UNC93A: variants seen among roughly 807,000 people sequenced by gnomAD.
UNC93A encodes unc-93 homolog A.
Under a neutral mutation model 47.5 loss-of-function variants are expected in UNC93A, and 43 were observed. The ratio of observed to expected loss-of-function variants is 0.91; its 90% CI spans 0.71 to 1.17. UNC93A has a LOEUF of 1.17. UNC93A is among the 50% of genes most tolerant of loss of function. The pLI is 0.00. For missense variants in UNC93A, 605 were observed against 577.6 expected (o/e 1.05, Z -0.49); for synonymous variants, 280 against 258.0 (o/e 1.09, Z -0.82).
At chr6:167,305,796 G>A (rs1778368636) in intron 5 of UNC93A, 119 bp from the exon 6 acceptor site, 3 of 1,422,600 alleles carry the variant, frequency 2.1e-6, no homozygotes, top group Admixed American at 1.7e-5. Flanking sequence ...GGAAGGTGTA[G>A]GCAACACTGG....
intron 7 of UNC93A, among the ~76,000 whole-genome samples, chr6:167,309,715 C>G (rs1778506045): frequency 2.0e-5 from 3 of 152,252 alleles, no homozygotes; most frequent in South Asian, 2.1e-4. Flanking sequence ...AACACTCCAG[C>G]CACGTCCTTT....
At chr6:167,310,972 G>A (rs1778540159) in intron 7 of UNC93A, among the ~76,000 whole-genome samples, 1 of 152,290 alleles carries the variant, frequency 6.6e-6, no homozygotes. Context: ...TGGCATTTTA[G>A]TGCCGCGTTC....
Position 167,297,969 on chromosome 6 carries a change from C to T in UNC93A, c.524C>T (p.Thr175Met), listed in dbSNP as rs758904063. ...GAGACCCTTCCAGAAGAGCAGCTCACGTCCTGTGGGGCCAGTGACTGCCTG... is the reference window on the plus strand; with the variant it reads ...GAGACCCTTCCAGAAGAGCAGCTCATGTCCTGTGGGGCCAGTGACTGCCTG... ...SQETLPEEQL[T>M]SCGASDCLMA... is the part of the protein sequence containing the mutation. The change falls in exon 4 of 8, where the codon ACG becomes ATG. Residue 175 changes from threonine (T) to methionine (M), a missense_variant. Physicochemically the swap from Thr to Met is moderately conservative, Grantham distance 81. Transcript: ENST00000230256. 3.2e-5 allele frequency: 52 copies of T among 1,613,994 alleles called. No individual in the cohort carries two copies. Among genetic ancestry groups the T allele is most frequent in the Middle Eastern group, 1.6e-4 (1 of 6,082 alleles).
In UNC93A at chr6:167,315,230, C is replaced by T. The variant is rs763850343; in HGVS notation, c.1152C>T (p.Phe384=). The change falls in exon 8 of 8, where the codon TTC becomes TTT. Residue 384 remains phenylalanine (F), a synonymous_variant. Transcript: ENST00000230256. ...VLFEKSKEAA[F]ANYRLWEALG... ...TTGAGAAGAGCAAGGAAGCTGCCTT[C>T]GCCAATTACCGCCTGTGGGAGGCCC... is the stretch of plus-strand genomic sequence containing the variant. 2.0e-5 allele frequency: 32 copies of T among 1,613,744 alleles called. No homozygotes were observed. Among genetic ancestry groups the T allele is most frequent in the East Asian group, 4.5e-5 (2 of 44,866 alleles).
chr6:167,304,094 T>A lies in UNC93A; in HGVS notation c.801T>A (p.Ser267Arg). The A allele has an allele frequency of 6.2e-7, 1 of 1,614,144 alleles. No homozygotes were observed. The highest frequency in any genetic ancestry group is 1.1e-5 in the South Asian group (1 of 91,080). ...TCTTAATTCTGCTGCCGCTGTACAGTGGATTGCAGCAAGGATTCCTCTCCA... is the reference window on the plus strand; with the variant it reads ...TCTTAATTCTGCTGCCGCTGTACAGAGGATTGCAGCAAGGATTCCTCTCCA... The part of the protein sequence containing the change: ...LCLLILLPLY[S>R]GLQQGFLSSE... The change falls in exon 5 of 8, where the codon AGT becomes AGA. Residue 267 changes from serine to arginine, a missense_variant. Physicochemically the swap from Ser to Arg is moderately radical, Grantham distance 110. Transcript: ENST00000230256.
chr6:167,295,732 GTGCTCCTCGCCTC>G lies in UNC93A; in HGVS notation c.270-299_270-287del, dbSNP rs1390614039. 4.8e-4 allele frequency among the ~76,000 whole-genome samples: 70 copies of G among 144,638 alleles called. 12 individuals carry two copies. The highest frequency in any genetic ancestry group is 1.6e-3 in the African/African-American group (59 of 37,262). The allele number at this position is 144,638 out of a possible 152,430, so 94.9% of individuals were successfully genotyped here. The stretch of plus-strand genomic sequence containing the variant: ...CTCCCTCGTGCTCCTCGCCTTCCTC[GTGCTCCTCGCCTC>G]CCTCGTGCTCCTCACCTTGTTGTTT... On this transcript the variant is annotated intron_variant, in intron 2 of 7. Transcript: ENST00000230256.
chr6:167,291,565 C>T lies in UNC93A; in HGVS notation c.76C>T (p.Gln26Ter), dbSNP rs895339426. ...LLLFTAYGGL[Q>*]SLQSSLYSEE... is the part of the protein sequence containing the mutation. ...TCTCTTTACAGCCTATGGAGGTCTG[C>T]AGAGCCTGCAGGTATGTGTGTCCGG... The change falls in exon 1 of 8, where the codon CAG becomes TAG. Residue 26 changes from glutamine (Q) to a stop codon, truncating the protein, a stop_gained. Transcript: ENST00000230256. LOFTEE classifies it high-confidence loss of function. 6.2e-7 allele frequency: 1 copy of T among 1,612,726 alleles called. No homozygotes were observed. The highest frequency in any genetic ancestry group is 2.2e-5 in the East Asian group (1 of 44,828).
chr6:167,304,011 CCTTTCTGGTCCACTTTA>C lies in UNC93A; in HGVS notation c.721_737del (p.Phe241ValfsTer7). 6.2e-7 allele frequency: 1 copy of C among 1,613,840 alleles called. No individual in the cohort carries two copies. The highest frequency in any genetic ancestry group is 8.5e-7 in the Non-Finnish European group (1 of 1,179,984). Reference sequence around the variant, plus strand: ...AAGTGAAGGAGAGAAGAAATCAGTACCTTTCTGGTCCACTTTACTGTCGACTTTCAAGCTATATAGAG... The same window carrying C: ...AAGTGAAGGAGAGAAGAAATCAGTACCTGTCGACTTTCAAGCTATATAGAG... On this transcript the variant is annotated frameshift_variant, in exon 5 of 8. Coordinates refer to ENST00000230256, the MANE Select transcript of UNC93A (RefSeq NM_018974.4). LOFTEE classifies it high-confidence loss of function.
At chr6:167,301,150 C>T (rs1334580028) in intron 4 of UNC93A, among the ~76,000 whole-genome samples, 7 of 152,276 alleles carry the variant, frequency 4.6e-5, no homozygotes, top group African/African-American at 1.7e-4. Flanking sequence ...ACAGGCTTCT[C>T]TGTGGCTTCC....
intron 4 of UNC93A, among the ~76,000 whole-genome samples, chr6:167,300,903 G>A (rs1778224436): frequency 6.6e-6 from 1 of 152,220 alleles, no homozygotes; most frequent in Admixed American, 6.5e-5. Context: ...GGGGGCTGCA[G>A]CCTTCCTCTG....
At chr6:167,279,262 TAG>T (rs1341377032) in intron 1 of UNC93A, among the ~76,000 whole-genome samples, 2 of 152,152 alleles carry the variant, frequency 1.3e-5, no homozygotes, top group Non-Finnish European at 1.5e-5. Flanking sequence ...GAGAGATAGA[TAG>T]AGAGAAAGAG....
chr6:167,303,427 C>T (rs889749631), intron 4 of UNC93A, among the ~76,000 whole-genome samples: 2 of 151,846 alleles, frequency 1.3e-5, no homozygotes, highest in African/African-American at 4.8e-5. Flanking sequence ...GTTCAGATAC[C>T]CCTTAATATC....
chr6:167,296,526 C>A (rs917401836), intron 3 of UNC93A, among the ~76,000 whole-genome samples: 5 of 152,206 alleles, frequency 3.3e-5, no homozygotes, highest in African/African-American at 9.7e-5. Context: ...TGGGAGAGGG[C>A]GCCATGGGAA....
intron 1 of UNC93A, among the ~76,000 whole-genome samples, chr6:167,282,589 G>A (rs1783652051): frequency 1.3e-5 from 2 of 152,136 alleles, no homozygotes; most frequent in Admixed American, 6.5e-5. Flanking sequence ...TCAAGAAATG[G>A]TGGGTTGATT....
rs4708771 is a variant in UNC93A, at chr6:167,305,957, G to T, written c.883G>T (p.Val295Leu). 2 of 1,614,044 alleles carry T rather than the reference G, an allele frequency of 1.2e-6. No individual in the cohort carries two copies. The highest frequency in any genetic ancestry group is 2.7e-5 in the African/African-American group (2 of 74,880). Reference sequence around the variant, plus strand: ...CCTGGGCATCCAGTTCGTCGGCTACGTGATGATCTGCTTCTCGGCCACTGA... The same window carrying T: ...CCTGGGCATCCAGTTCGTCGGCTACTTGATGATCTGCTTCTCGGCCACTGA... ...CTLGIQFVGY[V>L]MICFSATDAL... The change falls in exon 6 of 8, where the codon GTG (valine) becomes TTG (leucine). Residue 295 changes from valine to leucine, a missense_variant. Physicochemically the swap from Val to Leu is conservative, Grantham distance 32. Coordinates refer to ENST00000230256, the MANE Select transcript of UNC93A (RefSeq NM_018974.4).
intron 7 of UNC93A, among the ~76,000 whole-genome samples, chr6:167,308,978 A>T (rs1423489772): frequency 6.6e-6 from 1 of 151,946 alleles, no homozygotes; most frequent in Non-Finnish European, 1.5e-5. Context: ...GAGGACACGG[A>T]TGGGAGATGA....
At chr6:167,291,773 T>C (rs923356312) in intron 1 of UNC93A, among the ~76,000 whole-genome samples, 197 bp downstream of exon 1, 13 of 152,168 alleles carry the variant, frequency 8.5e-5, no homozygotes, top group African/African-American at 3.1e-4. Flanking sequence ...CACGTCTCAA[T>C]AGGATTGCAC....
At chr6:167,308,433 T>C (rs924018808) in intron 7 of UNC93A, among the ~76,000 whole-genome samples, 2 of 151,618 alleles carry the variant, frequency 1.3e-5, no homozygotes, top group East Asian at 3.9e-4. Flanking sequence ...TCCTGGGCAG[T>C]GGTGGGTTTT....
At chr6:167,310,771 C>T (rs143055306) in intron 7 of UNC93A, among the ~76,000 whole-genome samples, 3 of 152,106 alleles carry the variant, frequency 2.0e-5, no homozygotes, top group Admixed American at 6.5e-5. Flanking sequence ...GTCTCAGCTA[C>T]GAGGGAGGCT....
Sources: allele counts gnomAD v4.1 joint callset (sites outside exome capture counted in the v4.1 genomes callset), GRCh38; gene constraint gnomAD v4.1.1; transcripts MANE v1.5; gene names NCBI Gene and HGNC (gene_info 2026-07-23, HGNC 2026-07-21).